The following TNFRSF19 variants were observed in gnomAD, a reference collection of about 807,000 sequenced individuals.
TNFRSF19 encodes TNF receptor superfamily member 19.
In TNFRSF19, 27 loss-of-function variants were observed where a neutral mutation model predicts 46.4. The observed-to-expected ratio is 0.58, with a 90% CI of 0.43 to 0.80. TNFRSF19 has a LOEUF of 0.80. Ranked by LOEUF, TNFRSF19 falls within the 30% of genes least tolerant of loss-of-function variation. The probability of loss-of-function intolerance (pLI) is 0.00; values close to 1 mark genes in which losing one functional copy is unlikely to be tolerated. For missense variants in TNFRSF19, 511 were observed against 530.8 expected, an observed-to-expected ratio of 0.96 and a Z score of 0.37; for synonymous variants, 204 against 205.0, an observed-to-expected ratio of 1.00 and a Z score of 0.04.
chr13:23,592,734 G>T (rs531395593), intron 2 of TNFRSF19, among the ~76,000 whole-genome samples: 1 of 152,282 alleles, frequency 6.6e-6, no homozygotes, highest in African/African-American at 2.4e-5. Flanking sequence ...TTATTTGAAA[G>T]ACATCCTCTA....
At chr13:23,578,830 G>A (rs562346634) in intron 1 of TNFRSF19, among the ~76,000 whole-genome samples, 1 of 152,248 alleles carries the variant, frequency 6.6e-6, no homozygotes, top group Non-Finnish European at 1.5e-5. Flanking sequence ...CTGCGAGGGT[G>A]CGGCCGTCTC....
chr13:23,605,379 T>C (rs1880440669), intron 3 of TNFRSF19, among the ~76,000 whole-genome samples: 1 of 152,202 alleles, frequency 6.6e-6, no homozygotes, highest in Non-Finnish European at 1.5e-5. Context: ...TGCAAAATGG[T>C]ACAGCCATTT....
At chr13:23,656,831 G>A (rs78706164) in intron 5 of TNFRSF19, among the ~76,000 whole-genome samples, 5 of 152,068 alleles carry the variant, frequency 3.3e-5, no homozygotes, top group Admixed American at 6.5e-5. Flanking sequence ...TTCAACTTGC[G>A]TGGGATGCAA....
intron 4 of TNFRSF19, among the ~76,000 whole-genome samples, chr13:23,625,373 G>A (rs1475223838): frequency 7.6e-6 from 1 of 131,648 alleles, no homozygotes; most frequent in Non-Finnish European, 1.6e-5. Flanking sequence ...CTTTTGCCCA[G>A]GCTGGAGTGC....
chr13:23,593,926 A>G (rs1879505453), intron 3 of TNFRSF19, among the ~76,000 whole-genome samples: 1 of 152,136 alleles, frequency 6.6e-6, no homozygotes, highest in Non-Finnish European at 1.5e-5. Flanking sequence ...GGGACTGGTT[A>G]GACAGTGGGT....
intron 3 of TNFRSF19, among the ~76,000 whole-genome samples, chr13:23,596,625 G>C (rs1038779545): frequency 1.3e-5 from 2 of 152,138 alleles, no homozygotes; most frequent in African/African-American, 4.8e-5. Context: ...CCTACACAAA[G>C]AGACCTGGAC....
At chr13:23,667,417 GAACATTCATGCTCT>G (rs1416771986) in intron 7 of TNFRSF19, among the ~76,000 whole-genome samples, 1 of 152,090 alleles carries the variant, frequency 6.6e-6, no homozygotes, top group Non-Finnish European at 1.5e-5. Flanking sequence ...TAGAGGGTTC[GAACATTCATGCTCT>G]CGTCTGTGTT....
At position 23,596,039 on chromosome 13, in the gene TNFRSF19, C is replaced by T. The variant is rs1471428320; in HGVS notation, c.180+2584C>T. Among the ~76,000 whole-genome samples, 4 of 152,140 alleles carry T rather than the reference C, an allele frequency of 2.6e-5. No individual in the cohort carries two copies. The East Asian group carries it at 7.7e-4, about 29-fold the overall frequency. On this transcript the variant is annotated intron_variant, in intron 3 of 9. Transcript: ENST00000248484. Reference sequence around the variant, plus strand: ...TTCATAAGTGACGGAGAAATAAACTCCTTTACAGACAAGCAAATGCTGAGA... The same window carrying T: ...TTCATAAGTGACGGAGAAATAAACTTCTTTACAGACAAGCAAATGCTGAGA...
intron 4 of TNFRSF19, 38 bp downstream of exon 4, chr13:23,616,083 TTAAG>T (rs1229191125): frequency 6.5e-7 from 1 of 1,548,044 alleles, no homozygotes; most frequent in South Asian, 1.2e-5. Context: ...AATTATTTAA[TTAAG>T]TAACTTTTAA....
chr13:23,625,009 C>G (rs370809475), intron 4 of TNFRSF19, among the ~76,000 whole-genome samples: 2 of 152,138 alleles, frequency 1.3e-5, no homozygotes, highest in African/African-American at 2.4e-5. Context: ...GCCTCAGCCT[C>G]CCAAAGTGCT....
At chr13:23,618,587 G>T (rs1881457434) in intron 4 of TNFRSF19, among the ~76,000 whole-genome samples, 1 of 152,176 alleles carries the variant, frequency 6.6e-6, no homozygotes, top group African/African-American at 2.4e-5. Context: ...GTACAGCCAG[G>T]TTGGAAAACA....
chr13:23,578,154 C>A (rs1445600639), intron 1 of TNFRSF19, among the ~76,000 whole-genome samples: 1 of 152,094 alleles, frequency 6.6e-6, no homozygotes, highest in Non-Finnish European at 1.5e-5. Flanking sequence ...TAAAGAAGTT[C>A]AGCGGGATGT....
rs9652065 is a variant in TNFRSF19 at position 23,639,957 on chromosome 13, C to T, written c.445+13165C>T. 4.9e-3 allele frequency among the ~76,000 whole-genome samples: 742 copies of T among 152,310 alleles called. 11 individuals carry two copies. Among genetic ancestry groups the T allele is most frequent in the African/African-American group, 0.017 (721 of 41,558 alleles). Reference sequence around the variant, plus strand: ...GTTTTGGCTTAGGAACAAAACAAAACTCTGCTGACATGAGCGCAATACTCT... The same window carrying T: ...GTTTTGGCTTAGGAACAAAACAAAATTCTGCTGACATGAGCGCAATACTCT... On this transcript the variant is annotated intron_variant, in intron 5 of 9. Transcript: ENST00000248484.
At chr13:23,657,361 G>A (rs1373803721) in intron 5 of TNFRSF19, among the ~76,000 whole-genome samples, 2 of 152,168 alleles carry the variant, frequency 1.3e-5, no homozygotes, top group African/African-American at 4.8e-5. Context: ...TAGCCAGGGA[G>A]AAGGAGAAAG....
chr13:23,665,240 C>A (rs376768409), intron 7 of TNFRSF19, among the ~76,000 whole-genome samples: 1 of 152,128 alleles, frequency 6.6e-6, no homozygotes, highest in Non-Finnish European at 1.5e-5. Flanking sequence ...AGTAGGAATA[C>A]TTTCTGGAGA....
chr13:23,641,549 T>A (rs1460662194), intron 5 of TNFRSF19, among the ~76,000 whole-genome samples: 1 of 152,198 alleles, frequency 6.6e-6, no homozygotes, highest in East Asian at 1.9e-4. Context: ...CAGGCTGGTC[T>A]TGAACTCCTG....
intron 7 of TNFRSF19, among the ~76,000 whole-genome samples, chr13:23,663,515 A>G (rs9507139): frequency 0.24 from 37,069 of 152,032 alleles, 5,083 homozygotes; most frequent in Middle Eastern, 0.4. Context: ...GGGTGTCAGG[A>G]TGATGCTGGC....
intron 3 of TNFRSF19, among the ~76,000 whole-genome samples, chr13:23,603,684 A>G (rs776060986): frequency 2.6e-5 from 4 of 152,100 alleles, no homozygotes; most frequent in Admixed American, 6.5e-5. Context: ...AGTTAATGTA[A>G]TATGTCACAT....
intron 1 of TNFRSF19, among the ~76,000 whole-genome samples, chr13:23,575,821 C>T (rs867792657): frequency 6.6e-5 from 10 of 152,118 alleles, no homozygotes; most frequent in African/African-American, 2.2e-4. Context: ...TTGCTACCAG[C>T]GAGCTAATTT....
Sources: gnomAD v4.1 joint callset for allele counts (sites outside exome capture counted in the v4.1 genomes callset) on GRCh38, gnomAD v4.1.1 for gene constraint, MANE v1.5 for transcripts, NCBI Gene and HGNC (gene_info 2026-07-23, HGNC 2026-07-21) for gene names.